Variants in COL8A1 observed in about 807,000 individuals in gnomAD.
COL8A1 encodes the protein collagen alpha-1(VIII) chain.
In COL8A1, 21 loss-of-function variants were observed where a neutral mutation model predicts 42.7. The observed-to-expected ratio is 0.49, with a 90% CI of 0.35 to 0.71. The LOEUF (loss-of-function observed/expected upper bound fraction) is 0.71. Ranked by LOEUF, COL8A1 falls within the 30% of genes least tolerant of loss-of-function variation. COL8A1 has a pLI of 0.01. For synonymous variants in COL8A1, 367 were observed against 369.1 expected (o/e 0.99, Z 0.06); for missense variants, 788 against 962.4 (o/e 0.82, Z 2.40).
At chr3:99,726,126 A>T (rs1940316963) in intron 1 of COL8A1, among the ~76,000 whole-genome samples, 1 of 152,164 alleles carries the variant, frequency 6.6e-6, no homozygotes, top group Non-Finnish European at 1.5e-5. Context: ...GTGAGATGGT[A>T]TCTCATTGTG....
chr3:99,788,011 A>C (rs954069637), intron 2 of COL8A1, among the ~76,000 whole-genome samples: 3 of 152,176 alleles, frequency 2.0e-5, no homozygotes, highest in Non-Finnish European at 2.9e-5. Flanking sequence ...ATTTCTTCCC[A>C]GCAAAAATTC....
At chr3:99,714,045 C>T (rs746837330) in intron 1 of COL8A1, among the ~76,000 whole-genome samples, 10 of 152,002 alleles carry the variant, frequency 6.6e-5, no homozygotes, top group East Asian at 1.9e-4. Flanking sequence ...ACAACCAACC[C>T]GGGAGTTTAA....
chr3:99,708,833 A>C (rs1939754515), intron 1 of COL8A1, among the ~76,000 whole-genome samples: 1 of 152,016 alleles, frequency 6.6e-6, no homozygotes, highest in African/African-American at 2.4e-5. Flanking sequence ...GTGAAATTAG[A>C]CCCGGGGTGC....
At chr3:99,724,201 A>C (rs1489517981) in intron 1 of COL8A1, among the ~76,000 whole-genome samples, 1 of 152,120 alleles carries the variant, frequency 6.6e-6, no homozygotes, top group Non-Finnish European at 1.5e-5. Flanking sequence ...AGTTTGCAGA[A>C]TCTGTGTCAT....
chr3:99,657,419 T>C (rs765102726), intron 1 of COL8A1, among the ~76,000 whole-genome samples: 1 of 152,198 alleles, frequency 6.6e-6, no homozygotes, highest in Non-Finnish European at 1.5e-5. Flanking sequence ...GTCTGAAAAA[T>C]AATAATAGTA....
chr3:99,733,889 C>G (rs1940610408), intron 1 of COL8A1, among the ~76,000 whole-genome samples: 1 of 152,112 alleles, frequency 6.6e-6, no homozygotes, highest in Admixed American at 6.5e-5. Context: ...TTGCATTTCT[C>G]TGATGGCCAG....
chr3:99,673,482 A>G (rs928093755), intron 1 of COL8A1, among the ~76,000 whole-genome samples: 1 of 152,076 alleles, frequency 6.6e-6, no homozygotes, highest in African/African-American at 2.4e-5. Context: ...GTACCTCTTT[A>G]TATATTAAAA....
At position 99,773,815 on chromosome 3, in the gene COL8A1, G is replaced by GTATATATATATATATATATATATATAT. The variant is rs1553682062; in HGVS notation, c.-3-16842_-3-16841insATATTATATATATATATATATATATAT. Among the ~76,000 whole-genome samples, 227 of 35,874 alleles carry GTATATATATATATATATATATATATAT rather than the reference G, an allele frequency of 6.3e-3. 7 individuals carry two copies. The highest frequency in any genetic ancestry group is 0.033 in the Middle Eastern group (1 of 30). 23.5% of individuals were successfully genotyped at this position (35,874 alleles called of 152,430 possible). ...TAAGTAGATGATTATATATATGTGT[G>GTATATATATATATATATATATATATAT]TATATATATATATATATATATATTT... On this transcript the variant is annotated intron_variant, in intron 2 of 3. Coordinates refer to ENST00000652472, the MANE Select transcript of COL8A1 (RefSeq NM_020351.4).
chr3:99,773,378 C>A (rs1941616764), intron 2 of COL8A1, among the ~76,000 whole-genome samples: 2 of 152,076 alleles, frequency 1.3e-5, no homozygotes, highest in Non-Finnish European at 2.9e-5. Context: ...GTGAGCCAAA[C>A]CCTCCTCTAA....
In COL8A1 at chr3:99,719,459, G is replaced by C. The variant is rs189617091; in HGVS notation, c.-128-25438G>C. Among the ~76,000 whole-genome samples, 3 of 152,194 alleles carry C rather than the reference G, an allele frequency of 2.0e-5. No homozygotes were observed. The East Asian group carries it at 5.8e-4, about 29-fold the overall frequency. On this transcript the variant is annotated intron_variant, in intron 1 of 3. Transcript: ENST00000652472. ...TGTAACAGGCACTCAGAATATAACA[G>C]TGAGCAAGACAGAGTCCTAATTTTC...
intron 1 of COL8A1, among the ~76,000 whole-genome samples, chr3:99,688,908 C>T (rs1371241090): frequency 6.6e-6 from 1 of 152,042 alleles, no homozygotes; most frequent in African/African-American, 2.4e-5. Flanking sequence ...TTAGAAACAT[C>T]CCTGGACTTT....
At chr3:99,735,808 G>C (rs1327166220) in intron 1 of COL8A1, among the ~76,000 whole-genome samples, 1 of 151,998 alleles carries the variant, frequency 6.6e-6, no homozygotes, top group African/African-American at 2.4e-5. Context: ...GTAAGCTATT[G>C]ATTATTGCCA....
chr3:99,711,457 A>AAACTCCTGGGATTCTTTTGCAC (rs1430177396), intron 1 of COL8A1, among the ~76,000 whole-genome samples: 5 of 152,194 alleles, frequency 3.3e-5, no homozygotes, highest in African/African-American at 9.6e-5. Flanking sequence ...TTCTTTTTCA[A>AAACTCCTGGGATTCTTTTGCAC]AACTCCTGGG....
At chr3:99,715,127 C>A (rs563043939) in intron 1 of COL8A1, among the ~76,000 whole-genome samples, 1 of 151,860 alleles carries the variant, frequency 6.6e-6, no homozygotes, top group Non-Finnish European at 1.5e-5. Context: ...TCTAAAACCA[C>A]CAAAATGTCA....
chr3:99,772,648 A>G (rs1428048242), intron 2 of COL8A1, among the ~76,000 whole-genome samples: 1 of 152,164 alleles, frequency 6.6e-6, no homozygotes, highest in Non-Finnish European at 1.5e-5. Flanking sequence ...AAATTAAGTG[A>G]TACACGGCAG....
chr3:99,650,864 C>A (rs981234005), intron 1 of COL8A1, among the ~76,000 whole-genome samples: 1 of 152,040 alleles, frequency 6.6e-6, no homozygotes, highest in Non-Finnish European at 1.5e-5. Context: ...TGGTTTAGGT[C>A]CCTTGGTGAG....
At chr3:99,680,937 T>C (rs573126661) in intron 1 of COL8A1, among the ~76,000 whole-genome samples, 1 of 152,232 alleles carries the variant, frequency 6.6e-6, no homozygotes, top group South Asian at 2.1e-4. Flanking sequence ...GCTAGCCATA[T>C]GTAGAAAGCT....
chr3:99,727,123 C>G (rs1940357747), intron 1 of COL8A1, among the ~76,000 whole-genome samples: 1 of 152,042 alleles, frequency 6.6e-6, no homozygotes, highest in Non-Finnish European at 1.5e-5. Context: ...TGAAGAGGTC[C>G]TTCACTTCCC....
chr3:99,708,023 C>A (rs1012875951), intron 1 of COL8A1, among the ~76,000 whole-genome samples: 1 of 152,074 alleles, frequency 6.6e-6, no homozygotes, highest in Non-Finnish European at 1.5e-5. Flanking sequence ...CCAGAGCTCC[C>A]CTCTTAGCTG....
Sources: gnomAD v4.1 joint callset for allele counts (sites outside exome capture counted in the v4.1 genomes callset) on GRCh38, gnomAD v4.1.1 for gene constraint, MANE v1.5 for transcripts, NCBI Gene and HGNC (gene_info 2026-07-23, HGNC 2026-07-21) for gene names.